The following RIMS1 variants were observed in gnomAD, a reference collection of about 807,000 sequenced individuals.
RIMS1 encodes the protein regulating synaptic membrane exocytosis protein 1.
Under a neutral mutation model 214.1 loss-of-function variants are expected in RIMS1, and 83 were observed. The observed-to-expected ratio is 0.39, with a 90% CI of 0.32 to 0.47. The LOEUF is 0.47. RIMS1 is among the 20% of genes least tolerant of loss of function. The probability of loss-of-function intolerance (pLI) is 0.99; values close to 1 mark genes in which losing one functional copy is unlikely to be tolerated. For missense variants in RIMS1, 2,050 were observed against 2,161.8 expected (o/e 0.95, Z 1.03); for synonymous variants, 793 against 786.8 (o/e 1.01, Z -0.13).
intron 2 of RIMS1, among the ~76,000 whole-genome samples, chr6:72,068,706 G>A (rs1461668274): frequency 6.6e-6 from 1 of 152,002 alleles, no homozygotes; most frequent in African/African-American, 2.4e-5. Context: ...GGCGGATCAC[G>A]AGGTCAGGAG....
intron 4 of RIMS1, among the ~76,000 whole-genome samples, chr6:72,124,128 G>A (rs935543371): frequency 2.6e-4 from 40 of 151,946 alleles, no homozygotes; most frequent in African/African-American, 9.6e-4. Flanking sequence ...TCCTTTCCGT[G>A]TTTAGTGCTT....
At chr6:72,290,953 A>G (rs915288539) in intron 25 of RIMS1, 92 bp downstream of exon 25, 2 of 1,100,572 alleles carry the variant, frequency 1.8e-6, no homozygotes, top group Non-Finnish European at 2.6e-6. Context: ...GCTTTCACTC[A>G]TTTTGACACC....
chr6:72,304,568 A>G (rs1028425514), intron 26 of RIMS1, among the ~76,000 whole-genome samples: 2 of 151,930 alleles, frequency 1.3e-5, no homozygotes, highest in Non-Finnish European at 2.9e-5. Flanking sequence ...TCTGCAATAC[A>G]GAAATAATGT....
At chr6:72,368,292 ATT>A (rs1168375463) in intron 29 of RIMS1, among the ~76,000 whole-genome samples, 4 of 79,124 alleles carry the variant, frequency 5.1e-5, no homozygotes, top group African/African-American at 1.6e-4. Context: ...GTGTTGTCTG[ATT>A]TTTTTTTTTT....
At chr6:72,011,030 T>A (rs566423509) in intron 2 of RIMS1, among the ~76,000 whole-genome samples, 79 of 151,834 alleles carry the variant, frequency 5.2e-4, no homozygotes, top group African/African-American at 1.8e-3. Context: ...AGTCAATCCT[T>A]AGCCAAAAGA....
At chr6:72,395,767 A>C (rs907825075) in intron 31 of RIMS1, among the ~76,000 whole-genome samples, 2 of 152,000 alleles carry the variant, frequency 1.3e-5, no homozygotes, top group Admixed American at 6.6e-5. Flanking sequence ...TCTAGCATAA[A>C]AGAAAAAACA....
chr6:72,007,667 C>T (rs1376075456), intron 2 of RIMS1, among the ~76,000 whole-genome samples: 20 of 152,166 alleles, frequency 1.3e-4, no homozygotes, highest in Admixed American at 1.2e-3. Context: ...ATGAGAACTA[C>T]GTGACGAATG....
chr6:72,296,353 A>G (rs2094094888), intron 26 of RIMS1, among the ~76,000 whole-genome samples: 3 of 151,992 alleles, frequency 2.0e-5, no homozygotes, highest in Non-Finnish European at 4.4e-5. Context: ...AAAAGTAGAA[A>G]ATCTCTGGAT....
chr6:72,005,832 C>A (rs1214665258), intron 2 of RIMS1, among the ~76,000 whole-genome samples: 1 of 152,200 alleles, frequency 6.6e-6, no homozygotes, highest in Non-Finnish European at 1.5e-5. Context: ...AAATATGGTT[C>A]AGAAACCAAG....
At chr6:71,936,425 C>A (rs2150966013) in intron 1 of RIMS1, among the ~76,000 whole-genome samples, 1 of 151,650 alleles carries the variant, frequency 6.6e-6, no homozygotes, top group Admixed American at 6.6e-5. Context: ...AAGGGTTCTG[C>A]ACCTGTGGAT....
chr6:72,026,591 C>T (rs1334206199), intron 2 of RIMS1, among the ~76,000 whole-genome samples: 1 of 151,876 alleles, frequency 6.6e-6, no homozygotes, highest in Non-Finnish European at 1.5e-5. Flanking sequence ...GGAATATGTC[C>T]TTTGTTTCTA....
At chr6:72,245,759 G>T (rs545236050) in intron 10 of RIMS1, 56 bp from the exon 11 acceptor site, 1 of 1,352,298 alleles carries the variant, frequency 7.4e-7, no homozygotes, top group Non-Finnish European at 1.1e-6. Context: ...GGCTATGATT[G>T]CCTCAGGCAG....
intron 27 of RIMS1, among the ~76,000 whole-genome samples, chr6:72,311,268 A>G (rs559724762): frequency 1.3e-5 from 2 of 152,238 alleles, no homozygotes; most frequent in African/African-American, 2.4e-5. Flanking sequence ...CAAAAAACCA[A>G]TAATACAGGA....
chr6:72,270,365 G>T (rs753790752), intron 22 of RIMS1, among the ~76,000 whole-genome samples: 15 of 152,112 alleles, frequency 9.9e-5, no homozygotes, highest in Admixed American at 2.6e-4. Context: ...ATTTTGTTTG[G>T]TTTTTAATGT....
chr6:71,894,541 C>A (rs1366424266), intron 1 of RIMS1, among the ~76,000 whole-genome samples: 1 of 152,074 alleles, frequency 6.6e-6, no homozygotes, highest in African/African-American at 2.4e-5. Context: ...AAACATTTTT[C>A]AAATAATAGT....
intron 1 of RIMS1, among the ~76,000 whole-genome samples, chr6:71,902,150 G>A (rs573443176): frequency 6.6e-6 from 1 of 152,204 alleles, no homozygotes; most frequent in Admixed American, 6.5e-5. Context: ...GAATAAAAGA[G>A]AGAGTGTATT....
chr6:72,072,062 A>G (rs1448349596), intron 2 of RIMS1, among the ~76,000 whole-genome samples: 2 of 152,232 alleles, frequency 1.3e-5, no homozygotes, highest in Non-Finnish European at 2.9e-5. Flanking sequence ...TATATGCCTC[A>G]CAAGGTGATT....
rs182626138 is a variant in RIMS1 at position 72,154,137 on chromosome 6, A to T, written c.472-25438A>T. ...CTCACACAGACAAGATATAAGGAAT[A>T]GCTGTATATGAAATAGCTACAAATT... is the stretch of plus-strand genomic sequence containing the variant. On this transcript the variant is annotated intron_variant, in intron 4 of 33. Coordinates refer to ENST00000521978, the MANE Select transcript of RIMS1 (RefSeq NM_014989.7). 5.4e-4 allele frequency among the ~76,000 whole-genome samples: 81 copies of T among 149,434 alleles called. 1 individual carries two copies. The highest frequency in any genetic ancestry group is 1.9e-3 in the African/African-American group (78 of 41,450).
intron 4 of RIMS1, among the ~76,000 whole-genome samples, chr6:72,123,855 G>C (rs200362289): frequency 2.6e-5 from 4 of 151,584 alleles, no homozygotes; most frequent in Middle Eastern, 3.4e-3. Context: ...TTATTTTGAG[G>C]CTATGTGTGT....
Sources: allele counts gnomAD v4.1 joint callset (sites outside exome capture counted in the v4.1 genomes callset), GRCh38; gene constraint gnomAD v4.1.1; transcripts MANE v1.5; gene names NCBI Gene and HGNC (gene_info 2026-07-23, HGNC 2026-07-21).